The following KIAA1217 variants were observed in gnomAD, a reference collection of about 807,000 sequenced individuals.
KIAA1217 encodes the protein sickle tail protein homolog.
KIAA1217 carries 88 observed loss-of-function variants against 163.9 expected under a neutral mutation model. That is an observed-to-expected ratio of 0.54 (90% CI 0.45 to 0.64). The LOEUF (loss-of-function observed/expected upper bound fraction) is 0.64. Ranked by LOEUF, KIAA1217 falls within the 30% of genes least tolerant of loss-of-function variation. The pLI is 0.00. For missense variants in KIAA1217, 2,372 were observed against 2,475.0 expected, an observed-to-expected ratio of 0.96 and a Z score of 0.88; for synonymous variants, 903 against 923.1, an observed-to-expected ratio of 0.98 and a Z score of 0.39.
At chr10:24,410,878 A>G (rs2057708406) in intron 3 of KIAA1217, among the ~76,000 whole-genome samples, 1 of 152,172 alleles carries the variant, frequency 6.6e-6, no homozygotes, top group South Asian at 2.1e-4. Flanking sequence ...TTTTCCCCCC[A>G]AAGTACCTAA....
intron 1 of KIAA1217, among the ~76,000 whole-genome samples, chr10:23,921,813 G>T (rs1235158099): frequency 6.6e-6 from 1 of 152,180 alleles, no homozygotes; most frequent in Non-Finnish European, 1.5e-5. Context: ...AGTGCTGTTT[G>T]CCAGGTTGTG....
rs974847694 is a variant in KIAA1217, at chr10:24,178,707, T to G, written c.-170-40919T>G. On this transcript the variant is annotated intron_variant, in intron 2 of 18. Coordinates refer to the KIAA1217 transcript ENST00000376462. The stretch of plus-strand genomic sequence containing the variant: ...CAGTTGTTCCATTTCCTTTGAAGTT[T>G]CTCAGCACCCATGGTCTTAGAACTA... 2.0e-5 allele frequency among the ~76,000 whole-genome samples: 3 copies of G among 152,258 alleles called. No individual in the cohort carries two copies. The East Asian group carries it at 5.8e-4, about 29-fold the overall frequency.
intron 9 of KIAA1217, among the ~76,000 whole-genome samples, chr10:24,504,806 A>G (rs1035962493): frequency 1.7e-4 from 26 of 152,212 alleles, no homozygotes; most frequent in Admixed American, 1.1e-3. Context: ...AAACTGATGG[A>G]TTATTCTCAG....
chr10:24,061,115 A>G (rs567772033), intron 2 of KIAA1217, among the ~76,000 whole-genome samples: 68 of 152,186 alleles, frequency 4.5e-4, no homozygotes, highest in Admixed American at 9.8e-4. Flanking sequence ...ATTTTTAAAA[A>G]ATTAATATGT....
intron 1 of KIAA1217, among the ~76,000 whole-genome samples, chr10:23,871,699 A>G (rs1264263028): frequency 6.6e-6 from 1 of 152,210 alleles, no homozygotes; most frequent in East Asian, 1.9e-4. Flanking sequence ...TGGGGGTTTG[A>G]ACGAAACATT....
chr10:23,998,511 C>T (rs2131457683), intron 1 of KIAA1217, among the ~76,000 whole-genome samples: 1 of 152,348 alleles, frequency 6.6e-6, no homozygotes, highest in South Asian at 2.1e-4. Flanking sequence ...TGGGGTGATT[C>T]CCCAATCTGC....
At chr10:23,952,760 ATAAAG>A (rs1161264598) in intron 1 of KIAA1217, among the ~76,000 whole-genome samples, 1 of 152,238 alleles carries the variant, frequency 6.6e-6, no homozygotes. Context: ...CTTGTAAACT[ATAAAG>A]TATTCTGTAG....
chr10:23,928,727 A>G (rs766801439), intron 1 of KIAA1217, among the ~76,000 whole-genome samples: 5 of 152,210 alleles, frequency 3.3e-5, no homozygotes, highest in Non-Finnish European at 5.9e-5. Flanking sequence ...CGCATTTTAC[A>G]GACAAGGAAA....
chr10:23,751,846 G>A (rs1483353788), intron 1 of KIAA1217, among the ~76,000 whole-genome samples: 2 of 152,196 alleles, frequency 1.3e-5, no homozygotes, highest in African/African-American at 2.4e-5. Context: ...TGGGAGAGAA[G>A]CTGTTCAGGC....
At chr10:24,294,085 G>C (rs2132525045) in intron 2 of KIAA1217, among the ~76,000 whole-genome samples, 1 of 151,600 alleles carries the variant, frequency 6.6e-6, no homozygotes, top group South Asian at 2.1e-4. Context: ...CCAGCTACTG[G>C]GGAGGCTGAG....
chr10:24,311,354 A>G (rs187085714), intron 2 of KIAA1217, among the ~76,000 whole-genome samples: 1 of 152,284 alleles, frequency 6.6e-6, no homozygotes, highest in East Asian at 1.9e-4. Context: ...GAGGGTGGTG[A>G]ACGGGTCCTC....
intron 1 of KIAA1217, among the ~76,000 whole-genome samples, chr10:23,770,312 G>T (rs1236220197): frequency 6.6e-6 from 1 of 152,192 alleles, no homozygotes; most frequent in Non-Finnish European, 1.5e-5. Flanking sequence ...TCCTCAGGTG[G>T]TTGCACATTG....
In KIAA1217 at chr10:24,431,695, A is replaced by G. The variant is rs556196949; in HGVS notation, c.554-1300A>G. ...AACTCCAGGGTGCAAACACATATCA[A>G]GCTTTCCTTTTGCATCACACTTGCT... On this transcript the variant is annotated intron_variant, in intron 3 of 20. Transcript: ENST00000376454. Among the ~76,000 whole-genome samples the G allele has an allele frequency of 2.3e-4, 35 of 152,324 alleles. No homozygotes were observed. In the South Asian group the frequency reaches 2.9e-3, roughly 13 times the overall value.
chr10:24,264,696 G>A (rs11013998), intron 2 of KIAA1217, among the ~76,000 whole-genome samples: 51,769 of 151,394 alleles, frequency 0.34, 9,035 homozygotes, highest in African/African-American at 0.38. Context: ...CTGACAGGCC[G>A]TTTGTTACCA....
At chr10:23,849,635 G>C (rs1839207593) in intron 1 of KIAA1217, among the ~76,000 whole-genome samples, 1 of 152,036 alleles carries the variant, frequency 6.6e-6, no homozygotes, top group African/African-American at 2.4e-5. Context: ...TAACAAACCT[G>C]CACGTTGTGC....
At position 24,027,063 on chromosome 10, in the gene KIAA1217, A is replaced by AGT. The variant is rs1250638414; in HGVS notation, c.-171+19689_-171+19690insGT. ...AACTTCCAAATATTTGGGGCTTTAA[A>AGT]AAATATCTTTCTGTTACTTATTTTT... On this transcript the variant is annotated intron_variant, in intron 2 of 18. Transcript: ENST00000376462. 5.3e-5 allele frequency among the ~76,000 whole-genome samples: 8 copies of AGT among 152,062 alleles called. No individual in the cohort carries two copies. In the East Asian group the frequency reaches 1.4e-3, roughly 26 times the overall value.
intron 1 of KIAA1217, among the ~76,000 whole-genome samples, chr10:23,811,254 A>C (rs1352240107): frequency 6.9e-6 from 1 of 145,030 alleles, no homozygotes; most frequent in African/African-American, 2.5e-5. Flanking sequence ...TATATAGTAT[A>C]TATAATATAG....
intron 3 of KIAA1217, among the ~76,000 whole-genome samples, chr10:24,413,121 C>T (rs1338044911): frequency 6.6e-6 from 1 of 152,196 alleles, no homozygotes; most frequent in African/African-American, 2.4e-5. Flanking sequence ...GTCCAACCCA[C>T]CATAATCACT....
At chr10:24,208,041 G>A (rs573485046), upstream of KIAA1217, among the ~76,000 whole-genome samples, 3 of 151,634 alleles carry the variant, frequency 2.0e-5, no homozygotes, top group Admixed American at 2.0e-4. Flanking sequence ...ACAAAATCGC[G>A]CTCTTCCTCC....
Sources: allele counts gnomAD v4.1 joint callset (sites outside exome capture counted in the v4.1 genomes callset), GRCh38; gene constraint gnomAD v4.1.1; transcripts MANE v1.5; gene names NCBI Gene and HGNC (gene_info 2026-07-23, HGNC 2026-07-21).